The following RGS6 variants were observed in gnomAD, a reference collection of about 807,000 sequenced individuals.
RGS6 encodes regulator of G-protein signaling 6.
Under a neutral mutation model 78.5 loss-of-function variants are expected in RGS6, and 30 were observed. The observed-to-expected ratio is 0.38, with a 90% CI of 0.29 to 0.52. RGS6 has a LOEUF of 0.52. RGS6 is among the 20% of genes least tolerant of loss of function. The pLI, the probability that RGS6 is intolerant of heterozygous loss-of-function variation, is 0.85. For synonymous variants in RGS6, 206 were observed against 206.0 expected, an observed-to-expected ratio of 1.00 and a Z score of 0.00; for missense variants, 495 against 609.7, an observed-to-expected ratio of 0.81 and a Z score of 1.98.
the RGS6 span, among the ~76,000 whole-genome samples, chr14:72,594,544 C>T: frequency 2.0e-5 from 3 of 152,166 alleles, no homozygotes; most frequent in African/African-American, 4.8e-5. Context: ...TATCATTAGG[C>T]TATCACCACT....
At chr14:72,185,731 C>A (rs1212444682) in intron 2 of RGS6, among the ~76,000 whole-genome samples, 1 of 152,264 alleles carries the variant, frequency 6.6e-6, no homozygotes, top group African/African-American at 2.4e-5. Flanking sequence ...GATTACTGAG[C>A]CCAGGAGTTC....
chr14:72,123,554 T>C (rs2096111451), intron 2 of RGS6, among the ~76,000 whole-genome samples: 1 of 152,210 alleles, frequency 6.6e-6, no homozygotes, highest in African/African-American at 2.4e-5. Flanking sequence ...GTAATGAAAG[T>C]GTGACTAGCA....
chr14:72,229,916 A>G (rs1384816686), intron 2 of RGS6, among the ~76,000 whole-genome samples: 4 of 152,182 alleles, frequency 2.6e-5, no homozygotes, highest in Admixed American at 6.5e-5. Context: ...CTCCACCATC[A>G]CTGCAAAACC....
Position 72,165,435 on chromosome 14 carries a change from TC to T in RGS6, c.85-186658del, listed in dbSNP as rs780502717. Among the ~76,000 whole-genome samples the T allele has an allele frequency of 2.0e-5, 3 of 152,206 alleles. No individual in the cohort carries two copies. The East Asian group carries it at 5.8e-4, about 29-fold the overall frequency. ...ATCGCCTATAATGAGCAGCGTGTTC[TC>T]CTACCACCTTAGCTGCAAGCAGTTA... is the stretch of plus-strand genomic sequence containing the variant. On this transcript the variant is annotated intron_variant, in intron 2 of 17. Coordinates refer to ENST00000553525, the MANE Select transcript of RGS6 (RefSeq NM_001204424.2).
chr14:72,425,077 C>T (rs1484154379), intron 3 of RGS6, among the ~76,000 whole-genome samples: 1 of 152,102 alleles, frequency 6.6e-6, no homozygotes, highest in African/African-American at 2.4e-5. Context: ...AAAGTCTCGG[C>T]AATATTGCGA....
chr14:72,066,805 G>A (rs764643624), intron 2 of RGS6, among the ~76,000 whole-genome samples: 1 of 149,576 alleles, frequency 6.7e-6, no homozygotes, highest in Non-Finnish European at 1.5e-5. Context: ...TACTTTAGAG[G>A]CAATTTTTTT....
At chr14:71,926,551 T>A in the RGS6 span, among the ~76,000 whole-genome samples, 6 of 133,390 alleles carry the variant, frequency 4.5e-5, no homozygotes, top group African/African-American at 1.8e-4. Context: ...GCCATTGCAC[T>A]CCAGGCTGGG....
the RGS6 span, among the ~76,000 whole-genome samples, chr14:72,600,201 T>C: frequency 1.3e-5 from 2 of 151,994 alleles, no homozygotes; most frequent in African/African-American, 4.8e-5. Flanking sequence ...CCATGGACCC[T>C]GGGAAAGTAC....
intron 2 of RGS6, among the ~76,000 whole-genome samples, chr14:72,334,678 G>A (rs1459156159): frequency 6.6e-6 from 1 of 152,212 alleles, no homozygotes; most frequent in African/African-American, 2.4e-5. Context: ...TCAGAGGAAA[G>A]TGGTGTCCCT....
chr14:72,292,196 G>A (rs182713835), intron 2 of RGS6, among the ~76,000 whole-genome samples: 50 of 152,308 alleles, frequency 3.3e-4, no homozygotes, highest in South Asian at 1.0e-3. Flanking sequence ...TATTTAATAA[G>A]CTACATGTTT....
intron 12 of RGS6, among the ~76,000 whole-genome samples, chr14:72,482,102 T>G (rs1051600346): frequency 7.2e-5 from 11 of 152,152 alleles, no homozygotes; most frequent in African/African-American, 2.2e-4. Context: ...GAGCCACCGC[T>G]CCCGGCCTAT....
chr14:71,872,151 C>T, the RGS6 span, among the ~76,000 whole-genome samples: 2 of 152,098 alleles, frequency 1.3e-5, no homozygotes, highest in South Asian at 4.1e-4. Flanking sequence ...AACACAATAC[C>T]ACCCCAACTC....
chr14:72,204,627 G>A (rs1366353168), intron 2 of RGS6, among the ~76,000 whole-genome samples: 1 of 152,212 alleles, frequency 6.6e-6, no homozygotes, highest in Non-Finnish European at 1.5e-5. Flanking sequence ...ATCCTCACAG[G>A]TGGCACCTTC....
intron 3 of RGS6, among the ~76,000 whole-genome samples, chr14:72,404,212 G>C (rs1215239299): frequency 1.3e-5 from 2 of 152,188 alleles, no homozygotes; most frequent in Non-Finnish European, 1.5e-5. Flanking sequence ...CAAAGTCGTG[G>C]TTATGACTGT....
Position 72,096,801 on chromosome 14 carries a change from T to C in RGS6, c.84+131926T>C, listed in dbSNP as rs905238008. Among the ~76,000 whole-genome samples, 31 of 152,344 alleles carry C rather than the reference T, an allele frequency of 2.0e-4. No homozygotes were observed. The South Asian group carries it at 4.1e-3, about 20-fold the overall frequency. ...TGAAGCATCCACTTTCCGTTGGTTG[T>C]GCTGGACAGCCCAGATGAAGGGGCA... On this transcript the variant is annotated intron_variant, in intron 2 of 17. Transcript: ENST00000553525.
At chr14:72,159,089 T>A (rs1409804996) in intron 2 of RGS6, among the ~76,000 whole-genome samples, 1 of 152,246 alleles carries the variant, frequency 6.6e-6, no homozygotes, top group Non-Finnish European at 1.5e-5. Flanking sequence ...CTATTGTTGT[T>A]GTTAAACTAT....
chr14:71,989,178 T>A (rs1002805688), intron 2 of RGS6, among the ~76,000 whole-genome samples: 8 of 152,376 alleles, frequency 5.3e-5, no homozygotes, highest in African/African-American at 1.9e-4. Context: ...AGCACTGCTG[T>A]AAAATCATTG....
intron 4 of RGS6, among the ~76,000 whole-genome samples, chr14:72,455,127 T>A (rs926793049): frequency 6.7e-6 from 1 of 149,866 alleles, no homozygotes; most frequent in Non-Finnish European, 1.5e-5. Flanking sequence ...GCAGTAAAAT[T>A]TATTTTCACA....
intron 2 of RGS6, among the ~76,000 whole-genome samples, chr14:72,117,656 C>T (rs2153562696): frequency 6.6e-6 from 1 of 152,276 alleles, no homozygotes; most frequent in Non-Finnish European, 1.5e-5. Flanking sequence ...AGGACAGCCA[C>T]AACATGGGGG....
Sources: gnomAD v4.1 joint callset for allele counts (sites outside exome capture counted in the v4.1 genomes callset) on GRCh38, gnomAD v4.1.1 for gene constraint, MANE v1.5 for transcripts, NCBI Gene and HGNC (gene_info 2026-07-23, HGNC 2026-07-21) for gene names.